The following FGF14 variants were observed in gnomAD, a reference collection of about 807,000 sequenced individuals.
FGF14 encodes fibroblast growth factor homologous factor 4.
Under a neutral mutation model 25.5 loss-of-function variants are expected in FGF14, and 5 were observed. The ratio of observed to expected loss-of-function variants is 0.20; its 90% CI spans 0.10 to 0.41. FGF14 has a LOEUF of 0.41. Ranked by LOEUF, FGF14 falls within the 10% of genes least tolerant of loss-of-function variation. The pLI is 1.00. For synonymous variants in FGF14, 138 were observed against 118.3 expected (o/e 1.17, Z -1.08); for missense variants, 222 against 320.1 (o/e 0.69, Z 2.34).
chr13:102,283,572 C>T (rs185598711), intron 1 of FGF14, among the ~76,000 whole-genome samples: 1 of 152,294 alleles, frequency 6.6e-6, no homozygotes, highest in Non-Finnish European at 1.5e-5. Flanking sequence ...ACCATTTCTT[C>T]AAATTTAGTG....
chr13:102,037,724 CATTT>C (rs1214804442), intron 1 of FGF14, among the ~76,000 whole-genome samples: 2 of 152,132 alleles, frequency 1.3e-5, no homozygotes, highest in East Asian at 1.9e-4. Flanking sequence ...ACTATATAAA[CATTT>C]ATTAAAGAAA....
chr13:101,823,994 C>T (rs2042286464), intron 3 of FGF14, among the ~76,000 whole-genome samples: 1 of 151,800 alleles, frequency 6.6e-6, no homozygotes, highest in African/African-American at 2.4e-5. Flanking sequence ...TATATGCTTA[C>T]ATTTGATGAT....
intron 1 of FGF14, among the ~76,000 whole-genome samples, chr13:102,120,519 G>A (rs1481418780): frequency 6.6e-6 from 1 of 152,162 alleles, no homozygotes; most frequent in African/African-American, 2.4e-5. Flanking sequence ...CACTAGAAGA[G>A]AAAGTAATTT....
chr13:102,144,629 T>C (rs2046779675), intron 1 of FGF14, among the ~76,000 whole-genome samples: 1 of 152,142 alleles, frequency 6.6e-6, no homozygotes, highest in Non-Finnish European at 1.5e-5. Flanking sequence ...CCTAGCTTAT[T>C]TATGTAGTAC....
intron 1 of FGF14, among the ~76,000 whole-genome samples, chr13:102,234,685 CAA>C (rs2051248731): frequency 6.6e-6 from 1 of 152,124 alleles, no homozygotes; most frequent in South Asian, 2.1e-4. Context: ...ATTATTCTCT[CAA>C]GTTCTGTACA....
chr13:101,917,169 T>C (rs1294380052), upstream of FGF14, among the ~76,000 whole-genome samples: 1 of 151,502 alleles, frequency 6.6e-6, no homozygotes, highest in East Asian at 2.0e-4. Context: ...CGCGGGCCGG[T>C]GCCGCCGCCG....
At chr13:102,225,406 C>A (rs925838076) in intron 1 of FGF14, among the ~76,000 whole-genome samples, 1 of 152,120 alleles carries the variant, frequency 6.6e-6, no homozygotes, top group Admixed American at 6.6e-5. Context: ...GCTAGCCCTC[C>A]GGACAGGCTA....
intron 1 of FGF14, among the ~76,000 whole-genome samples, chr13:102,088,633 T>A (rs1251692927): frequency 6.6e-6 from 1 of 152,116 alleles, no homozygotes; most frequent in Non-Finnish European, 1.5e-5. Context: ...ACATATACAA[T>A]TGAAATATAC....
chr13:102,119,044 C>T (rs887959771), intron 1 of FGF14, among the ~76,000 whole-genome samples: 1 of 152,096 alleles, frequency 6.6e-6, no homozygotes, highest in Admixed American at 6.5e-5. Flanking sequence ...TCACTGGATG[C>T]TAGGATCTTT....
In FGF14 at chr13:102,229,416, G is replaced by A. The variant is rs563010608; in HGVS notation, c.208+172055C>T. Reference sequence around the variant, plus strand: ...CACCGTTTCACAGATGATGTGTGGCGCAGAGACATGGTGATGAATAGGAGA... The same window carrying A: ...CACCGTTTCACAGATGATGTGTGGCACAGAGACATGGTGATGAATAGGAGA... On this transcript the variant is annotated intron_variant, in intron 1 of 4. Transcript: ENST00000376131. 7.2e-5 allele frequency among the ~76,000 whole-genome samples: 11 copies of A among 152,292 alleles called. No homozygotes were observed. The South Asian group carries it at 1.4e-3, about 20-fold the overall frequency.
At chr13:102,257,126 C>G (rs2052478847) in intron 1 of FGF14, among the ~76,000 whole-genome samples, 1 of 151,952 alleles carries the variant, frequency 6.6e-6, no homozygotes, top group African/African-American at 2.4e-5. Flanking sequence ...TTAAAATTGG[C>G]ATTTCTCTCA....
chr13:101,775,346 T>A (rs1386319090), intron 3 of FGF14, among the ~76,000 whole-genome samples: 1 of 152,174 alleles, frequency 6.6e-6, no homozygotes, highest in East Asian at 1.9e-4. Context: ...CCATTTAGAA[T>A]TTGTCTTCTC....
rs1389298549 is a variant in FGF14 at position 101,865,658 on chromosome 13, A to G, written c.408+3067T>C. On this transcript the variant is annotated intron_variant, in intron 3 of 4. Coordinates refer to ENST00000376143, the MANE Select transcript of FGF14 (RefSeq NM_004115.4). The stretch of plus-strand genomic sequence containing the variant: ...GGTGGAATTATCTGACACATTAAGT[A>G]TCTTATTTGGATAGCAAAGGAGTAT... Among the ~76,000 whole-genome samples, 6 of 152,126 alleles carry G rather than the reference A, an allele frequency of 3.9e-5. No individual in the cohort carries two copies. The South Asian group carries it at 1.2e-3, about 31-fold the overall frequency.
At chr13:102,048,538 G>T (rs191408199) in intron 1 of FGF14, among the ~76,000 whole-genome samples, 2 of 152,110 alleles carry the variant, frequency 1.3e-5, no homozygotes, top group African/African-American at 4.8e-5. Flanking sequence ...GCCCGCTGTC[G>T]TGTATGACAG....
intron 1 of FGF14, among the ~76,000 whole-genome samples, chr13:101,925,271 C>A (rs1178206447): frequency 3.9e-5 from 6 of 152,112 alleles, no homozygotes; most frequent in Admixed American, 3.9e-4. Flanking sequence ...ATATTTTTGG[C>A]CCAGGTTGGT....
chr13:101,963,861 TTAGTA>T (rs2037020184), intron 1 of FGF14, among the ~76,000 whole-genome samples: 1 of 152,200 alleles, frequency 6.6e-6, no homozygotes, highest in African/African-American at 2.4e-5. Flanking sequence ...TTTTAAGTAC[TTAGTA>T]TAAGGCAGGA....
intron 1 of FGF14, among the ~76,000 whole-genome samples, chr13:102,215,298 G>C (rs1023906768): frequency 2.6e-5 from 4 of 152,182 alleles, no homozygotes; most frequent in African/African-American, 9.7e-5. Context: ...CATGGGTTTT[G>C]AGTTAGAATA....
intron 1 of FGF14, among the ~76,000 whole-genome samples, chr13:102,166,247 T>A (rs2048004226): frequency 6.6e-6 from 1 of 152,054 alleles, no homozygotes; most frequent in Admixed American, 6.5e-5. Flanking sequence ...AGTTTGTATT[T>A]GCAAATTTGC....
At chr13:102,049,693 C>T (rs2042136006) in intron 1 of FGF14, among the ~76,000 whole-genome samples, 1 of 151,988 alleles carries the variant, frequency 6.6e-6, no homozygotes, top group Non-Finnish European at 1.5e-5. Context: ...GAATATGCCC[C>T]TAATGCAATA....
Sources: gnomAD v4.1 joint callset for allele counts (sites outside exome capture counted in the v4.1 genomes callset) on GRCh38, gnomAD v4.1.1 for gene constraint, MANE v1.5 for transcripts, NCBI Gene and HGNC (gene_info 2026-07-23, HGNC 2026-07-21) for gene names.